PRH1: variants seen among roughly 807,000 people sequenced by gnomAD.
PRH1 encodes salivary acidic proline-rich phosphoprotein 1/2.
PRH1 carries 7 observed loss-of-function variants against 7.9 expected under a neutral mutation model. The ratio of observed to expected loss-of-function variants is 0.89; its 90% CI spans 0.50 to 1.67. The LOEUF (loss-of-function observed/expected upper bound fraction) is 1.67, where lower values mean the gene tolerates loss of function less well. Among genes scored for constraint, PRH1 ranks in the 40% most tolerant of loss-of-function variants. PRH1 has a pLI of 0.00. For synonymous variants in PRH1, 45 were observed against 80.8 expected (o/e 0.56, Z 2.38); for missense variants, 109 against 223.6 (o/e 0.49, Z 3.27).
At chr12:10,935,823 C>T (rs944725032) in intron 2 of PRH1, among the ~76,000 whole-genome samples, 1 of 152,062 alleles carries the variant, frequency 6.6e-6, no homozygotes, top group East Asian at 1.9e-4. Flanking sequence ...ATATGATCCT[C>T]GAATTTGGAG....
chr12:10,954,642 A>ATT (rs373206501), intron 2 of PRH1, among the ~76,000 whole-genome samples: 2,284 of 151,966 alleles, frequency 0.015, 20 homozygotes, highest in South Asian at 0.031. Context: ...TAATTTTTGT[A>ATT]TTTGTTTTTT....
intron 2 of PRH1, among the ~76,000 whole-genome samples, chr12:10,901,151 A>G (rs1177572021): frequency 6.6e-6 from 1 of 152,116 alleles, no homozygotes; most frequent in Non-Finnish European, 1.5e-5. Context: ...TACTGGGCTG[A>G]TCCTCTCTGT....
chr12:11,143,221 A>G (rs1388758148), intron 1 of PRH1, among the ~76,000 whole-genome samples: 1 of 152,248 alleles, frequency 6.6e-6, no homozygotes, highest in Non-Finnish European at 1.5e-5. Context: ...TAAGGTGTAG[A>G]GTCTTCATTT....
At chr12:11,041,158 T>TC (rs1942689619) in intron 1 of PRH1, among the ~76,000 whole-genome samples, 1 of 138,732 alleles carries the variant, frequency 7.2e-6, no homozygotes, top group Non-Finnish European at 1.6e-5. Context: ...AAGACATAGT[T>TC]TGGCTAAATG....
intron 1 of PRH1, among the ~76,000 whole-genome samples, chr12:11,004,502 CA>C (rs1396338061): frequency 6.6e-6 from 1 of 151,972 alleles, no homozygotes; most frequent in African/African-American, 2.4e-5. Context: ...GAGACTGTCT[CA>C]AAAATAAATA....
At chr12:11,014,225 T>C (rs527297182) in intron 1 of PRH1, among the ~76,000 whole-genome samples, 43 of 152,356 alleles carry the variant, frequency 2.8e-4, no homozygotes, top group Admixed American at 3.9e-4. Context: ...ATTGTAGAGA[T>C]TGAAGAATTG....
intron 1 of PRH1, among the ~76,000 whole-genome samples, chr12:11,014,451 T>C (rs1941202266): frequency 6.6e-6 from 1 of 152,152 alleles, no homozygotes; most frequent in Non-Finnish European, 1.5e-5. Flanking sequence ...TCAGAATCAA[T>C]GAACTGATGA....
At chr12:11,104,774 G>C (rs1381099589) in intron 1 of PRH1, among the ~76,000 whole-genome samples, 1 of 152,058 alleles carries the variant, frequency 6.6e-6, no homozygotes, top group Non-Finnish European at 1.5e-5. Context: ...AATTCTAGGA[G>C]TAGTGTATGA....
chr12:11,031,202 T>C (rs1203144297), intron 1 of PRH1: 4 of 1,614,038 alleles, frequency 2.5e-6, no homozygotes, highest in East Asian at 4.5e-5. Flanking sequence ...GAGAATCTGG[T>C]CAGCAAAAGA....
At chr12:11,099,415 A>G (rs953877620) in intron 1 of PRH1, among the ~76,000 whole-genome samples, 3 of 152,268 alleles carry the variant, frequency 2.0e-5, no homozygotes, top group South Asian at 2.1e-4. Context: ...AGAGCCATCC[A>G]TCAAACCCAG....
At chr12:11,036,731 G>C (rs1270894491) in intron 1 of PRH1, among the ~76,000 whole-genome samples, 1 of 152,096 alleles carries the variant, frequency 6.6e-6, no homozygotes, top group African/African-American at 2.4e-5. Context: ...GTTTACTATT[G>C]TAACTTTCCC....
In PRH1 at chr12:10,908,594, G is replaced by T. The variant is rs567360016; in HGVS notation, c.-58-24319C>A. ...AACTAGCATAGAATAAAAGGAATGAGATCACAATTTTCAAGGCATTTGTAT... is the reference window on the plus strand; with the variant it reads ...AACTAGCATAGAATAAAAGGAATGATATCACAATTTTCAAGGCATTTGTAT... On this transcript the variant is annotated intron_variant, in intron 2 of 3. Coordinates refer to the PRH1 transcript ENST00000539853. The T allele has an allele frequency of 3.0e-5, 49 of 1,613,842 alleles. No homozygotes were observed. In the South Asian group the frequency reaches 4.1e-4, roughly 13 times the overall value.
intron 1 of PRH1, among the ~76,000 whole-genome samples, chr12:11,025,264 G>C (rs377475529): frequency 6.9e-6 from 1 of 144,282 alleles, no homozygotes; most frequent in Non-Finnish European, 1.5e-5. Context: ...TGCTCCTTGC[G>C]TGTTCAACTT....
chr12:11,171,250 G>A (rs924847704), intron 1 of PRH1: 16 of 716,766 alleles, frequency 2.2e-5, no homozygotes, highest in East Asian at 3.4e-5. Context: ...TGTGAGCCCG[G>A]GAGCCGCTTT....
intron 2 of PRH1, among the ~76,000 whole-genome samples, chr12:10,911,132 T>A (rs996995190): frequency 9.2e-5 from 14 of 152,218 alleles, no homozygotes; most frequent in African/African-American, 3.1e-4. Context: ...TGAAGAGATC[T>A]TTTATACTTT....
intron 1 of PRH1, among the ~76,000 whole-genome samples, chr12:11,024,679 C>T (rs1206532766): frequency 2.0e-5 from 3 of 151,870 alleles, no homozygotes; most frequent in Non-Finnish European, 1.5e-5. Flanking sequence ...AATTATTTAT[C>T]CATCCTTATT....
rs1438934738 is a variant in PRH1, at chr12:11,087,305, T to C, written n.124-40117A>G. ...TTTGTAGAGATGGAGTTTCCATATGTTGCAAAGGGAACTCCTGCTCTCAAG... is the reference window on the plus strand; with the variant it reads ...TTTGTAGAGATGGAGTTTCCATATGCTGCAAAGGGAACTCCTGCTCTCAAG... On this transcript the variant is annotated intron_variant and non_coding_transcript_variant, in intron 1 of 4. Coordinates refer to the PRH1 transcript ENST00000541977. Among the ~76,000 whole-genome samples the C allele has an allele frequency of 8.6e-5, 10 of 116,880 alleles. 2 individuals are homozygous for C. Among genetic ancestry groups the C allele is most frequent in the Non-Finnish European group, 1.2e-4 (6 of 49,288 alleles). 76.7% of individuals were successfully genotyped at this position (116,880 alleles called of 152,430 possible).
At chr12:10,894,396 C>G (rs886684600) in intron 2 of PRH1, among the ~76,000 whole-genome samples, 1 of 152,128 alleles carries the variant, frequency 6.6e-6, no homozygotes, top group Non-Finnish European at 1.5e-5. Context: ...TTGGAAATAA[C>G]TCTTAGTGAT....
chr12:10,945,600 G>A (rs1021909642), intron 2 of PRH1, among the ~76,000 whole-genome samples: 5 of 152,106 alleles, frequency 3.3e-5, no homozygotes, highest in East Asian at 3.9e-4. Flanking sequence ...CCACAAGACC[G>A]GGGCAAAATT....
Sources: gnomAD v4.1 joint callset for allele counts (sites outside exome capture counted in the v4.1 genomes callset) on GRCh38, gnomAD v4.1.1 for gene constraint, MANE v1.5 for transcripts, NCBI Gene and HGNC (gene_info 2026-07-23, HGNC 2026-07-21) for gene names.